TAL1: variants seen among roughly 807,000 people sequenced by gnomAD.
The protein encoded by TAL1 is TAL bHLH transcription factor 1, erythroid differentiation factor, also known as T-cell acute lymphocytic leukemia protein 1.
In TAL1, 8 loss-of-function variants were observed where a neutral mutation model predicts 17.9. The ratio of observed to expected loss-of-function variants is 0.45; its 90% CI spans 0.26 to 0.81. TAL1 has a LOEUF of 0.81. Among genes scored for constraint, TAL1 ranks in the 30% least tolerant of loss-of-function variants. The pLI, the probability that TAL1 is intolerant of heterozygous loss-of-function variation, is 0.17. For synonymous variants in TAL1, 223 were observed against 218.6 expected (o/e 1.02, Z -0.18); for missense variants, 466 against 486.9 (o/e 0.96, Z 0.40).
In TAL1 at chr1:47,225,434, G is replaced by T; in HGVS notation, c.446+9C>A. On this transcript the variant is annotated intron_variant, in intron 2 of 3. Coordinates refer to ENST00000294339, the Ensembl canonical transcript of TAL1. Reference sequence around the variant, plus strand: ...CCCAGCCCCTGGCCCCTGGCCCCTGGCCCCTGACCTGCCGAGAGAGGCCAG... The same window carrying T: ...CCCAGCCCCTGGCCCCTGGCCCCTGTCCCCTGACCTGCCGAGAGAGGCCAG... 8.1e-7 allele frequency: 1 copy of T among 1,230,424 alleles called. No homozygotes were observed. 76.2% of individuals were successfully genotyped at this position (1,230,424 alleles called of 1,614,324 possible). A position where few individuals can be genotyped will look rare whatever the true frequency, so the allele number is the denominator to read the frequency against.
intron 1 of TAL1, among the ~76,000 whole-genome samples, chr1:47,226,686 A>C (rs1643917518): frequency 6.6e-6 from 1 of 152,070 alleles, no homozygotes; most frequent in Non-Finnish European, 1.5e-5. Context: ...TGCTGGCCCA[A>C]CCTCCCTGCA....
rs534193409 is a variant in TAL1, at chr1:47,217,204, A to G, written c.*2516T>C. On this transcript the variant is annotated 3_prime_UTR_variant, in exon 4 of 4. Coordinates refer to ENST00000294339, the Ensembl canonical transcript of TAL1. ...AGACCAGCCTGGGCAATATAGCAAGACTCCATCTCTACCAAAAAAAAAAAA... is the reference window on the plus strand; with the variant it reads ...AGACCAGCCTGGGCAATATAGCAAGGCTCCATCTCTACCAAAAAAAAAAAA... The G allele has an allele frequency of 1.9e-5, 5 of 258,746 alleles. No individual in the cohort carries two copies. In the South Asian group the frequency reaches 9.1e-4, roughly 47 times the overall value. The allele number at this position is 258,746 out of a possible 1,614,324, so 16.0% of individuals were successfully genotyped here.
Position 47,223,487 on chromosome 1 carries a change from C to T in TAL1, c.541+517G>A, listed in dbSNP as rs78818841. 292 of 152,780 alleles carry T rather than the reference C, an allele frequency of 1.9e-3. 1 individual carries two copies. In the East Asian group the frequency reaches 0.024, roughly 13 times the overall value. 9.5% of individuals were successfully genotyped at this position (152,780 alleles called of 1,614,324 possible). On this transcript the variant is annotated intron_variant, in intron 3 of 3. Coordinates refer to ENST00000294339, the Ensembl canonical transcript of TAL1. ...CAGGTCTAAGCCCAGAATGTGTTAA[C>T]GGGAGACAAGGGGAGCCTACTGTGT...
intron 1 of TAL1, chr1:47,228,827 A>T (rs1643955056): frequency 6.4e-6 from 1 of 157,326 alleles, no homozygotes. Context: ...CTGGGACTGC[A>T]CTAGCCAGGA....
chr1:47,220,177 G>A lies in TAL1; in HGVS notation c.542-3C>T, dbSNP rs1349281836. The A allele has an allele frequency of 1.9e-6, 3 of 1,544,480 alleles. No homozygotes were observed. The East Asian group carries it at 6.8e-5, about 35-fold the overall frequency. Reference sequence around the variant, plus strand: ...CCGCACAACTTTGGTGTGGGGACCTGGAGATTAGGAGGACAAGAGTTAGGA... The same window carrying A: ...CCGCACAACTTTGGTGTGGGGACCTAGAGATTAGGAGGACAAGAGTTAGGA... On this transcript the variant is annotated splice_polypyrimidine_tract_variant and splice_region_variant and intron_variant, in intron 3 of 3. Coordinates refer to ENST00000294339, the Ensembl canonical transcript of TAL1.
Position 47,219,895 on chromosome 1 carries a change from C to CCCCCCCCCCA in TAL1, c.820_821insTGGGGGGGGG (p.Gly274ValfsTer9). Reference sequence around the variant, plus strand: ...TTGCAGGAGGTCATCTGGGGGCGCGCCGCCCCCTCCCCCACCTCCACCCCC... The same window carrying CCCCCCCCCCA: ...TTGCAGGAGGTCATCTGGGGGCGCGCCCCCCCCCCACGCCCCCTCCCCCACCTCCACCCCC... On this transcript the variant is annotated frameshift_variant, in exon 4 of 4. Coordinates refer to ENST00000294339, the Ensembl canonical transcript of TAL1. LOFTEE classifies it high-confidence loss of function. 1.8e-6 allele frequency: 1 copy of CCCCCCCCCCA among 548,476 alleles called. No individual in the cohort carries two copies. The highest frequency in any genetic ancestry group is 3.4e-6 in the Non-Finnish European group (1 of 296,430). 34.0% of individuals were successfully genotyped at this position (548,476 alleles called of 1,614,324 possible).
intron 1 of TAL1, chr1:47,228,196 T>C (rs1643941739): frequency 1.2e-5 from 2 of 167,668 alleles, no homozygotes; most frequent in African/African-American, 4.8e-5. Context: ...GTGGAGGACC[T>C]CTCCCGGCTC....
At chr1:47,226,262 C>G in intron 1 of TAL1, 1 of 226,896 alleles carries the variant, frequency 4.4e-6, no homozygotes, top group Non-Finnish European at 8.6e-6. Flanking sequence ...AGAGATTACT[C>G]TGTCCCCTTT....
chr1:47,228,004 T>C (rs1298295852), intron 1 of TAL1: 1 of 152,288 alleles, frequency 6.6e-6, no homozygotes, highest in Non-Finnish European at 1.5e-5. Context: ...AGCTCTGTTA[T>C]GACACATTTT....
At chr1:47,232,153 G>T (rs566713805), upstream of TAL1, 31 of 217,164 alleles carry the variant, frequency 1.4e-4, no homozygotes, top group Non-Finnish European at 2.3e-4. Context: ...CTAGAAAAAG[G>T]CCAGAATGCT....
chr1:47,222,328 G>A (rs1434352919), intron 3 of TAL1, among the ~76,000 whole-genome samples: 6 of 152,166 alleles, frequency 3.9e-5, no homozygotes, highest in African/African-American at 1.4e-4. Context: ...TGTGACCCAG[G>A]ACTTAGCTGT....
exon 4 of TAL1, chr1:47,219,008 C>G: frequency 3.5e-6 from 1 of 285,152 alleles, no homozygotes; most frequent in Non-Finnish European, 6.7e-6. Flanking sequence ...CAGACATTGT[C>G]TCCACAGCCA....
At chr1:47,216,348 A>C (rs1293849171) in exon 4 of TAL1, 1 of 222,424 alleles carries the variant, frequency 4.5e-6, no homozygotes, top group Non-Finnish European at 9.0e-6. Context: ...ATATATATAC[A>C]CATCATCACC....
chr1:47,226,457 G>A (rs934608405), intron 1 of TAL1, among the ~76,000 whole-genome samples: 21 of 152,148 alleles, frequency 1.4e-4, no homozygotes, highest in South Asian at 2.1e-4. Context: ...ATTAGAAAGT[G>A]GAGGCTACGG....
chr1:47,225,429 C>T lies in TAL1; in HGVS notation c.446+14G>A. ...ACCCGCCCAGCCCCTGGCCCCTGGC[C>T]CCTGGCCCCTGACCTGCCGAGAGAG... On this transcript the variant is annotated intron_variant, in intron 2 of 3. Transcript: ENST00000294339. The T allele has an allele frequency of 8.1e-7, 1 of 1,230,216 alleles. No individual in the cohort carries two copies. Among genetic ancestry groups the T allele is most frequent in the Non-Finnish European group, 1.0e-6 (1 of 987,170 alleles). 76.2% of individuals were successfully genotyped at this position (1,230,216 alleles called of 1,614,324 possible).
chr1:47,219,135 C>A, exon 4 of TAL1: 1 of 420,604 alleles, frequency 2.4e-6, no homozygotes, highest in South Asian at 2.3e-5. Context: ...AGCAGACTGT[C>A]CACTGATCAT....
upstream of TAL1, chr1:47,230,908 AC>A (rs1047113440): frequency 1.1e-4 from 16 of 152,114 alleles, no homozygotes; most frequent in African/African-American, 3.9e-4. Flanking sequence ...AACGTCGCTC[AC>A]CCGAAGAGGG....
At chr1:47,216,777 T>C (rs1016660014) in exon 4 of TAL1, 78 of 231,722 alleles carry the variant, frequency 3.4e-4, no homozygotes, top group Non-Finnish European at 4.4e-4. Flanking sequence ...TATGGTCATC[T>C]TTGTTCTCAA....
chr1:47,219,894 G>GCCCCCCCCC, exon 4 of TAL1: 1 of 1,556,014 alleles, frequency 6.4e-7, no homozygotes, highest in Non-Finnish European at 8.7e-7. Flanking sequence ...CTGGGGGCGC[G>GCCCCCCCCC]CCGCCCCCTC....
Sources: gnomAD v4.1 joint callset for allele counts (sites outside exome capture counted in the v4.1 genomes callset) on GRCh38, gnomAD v4.1.1 for gene constraint, MANE v1.5 for transcripts, NCBI Gene and HGNC (gene_info 2026-07-23, HGNC 2026-07-21) for gene names.